ZNF432: variants seen among roughly 807,000 people sequenced by gnomAD.
ZNF432 encodes zinc finger protein 432.
A neutral mutation model predicts 13.9 loss-of-function variants in ZNF432; 10 were observed. The ratio of observed to expected loss-of-function variants is 0.72; its 90% CI spans 0.44 to 1.22. ZNF432 has a LOEUF of 1.22. Ranked by LOEUF, ZNF432 falls within the 50% of genes most tolerant of loss-of-function variation. ZNF432 has a pLI of 0.00. For synonymous variants in ZNF432, 247 were observed against 256.2 expected (o/e 0.96, Z 0.34); for missense variants, 793 against 796.2 (o/e 1.00, Z 0.05).
At chr19:52,044,920 G>A (rs1200259270) in intron 2 of ZNF432, among the ~76,000 whole-genome samples, 1 of 152,168 alleles carries the variant, frequency 6.6e-6, no homozygotes, top group African/African-American at 2.4e-5. Flanking sequence ...AGGTAGGGGT[G>A]TCCAATCTTT....
At position 52,033,600 on chromosome 19, in the gene ZNF432, T is replaced by C. The variant is rs954850862; in HGVS notation, c.*120A>G. ...TAGCATTCATCCTAGTGAATAACAC[T>C]GGATTTTGAAATATGATTTTTCATA... On this transcript the variant is annotated 3_prime_UTR_variant, in exon 5 of 5. Transcript: ENST00000221315. 5.7e-5 allele frequency: 68 copies of C among 1,192,242 alleles called. No individual in the cohort carries two copies. Among genetic ancestry groups the C allele is most frequent in the Admixed American group, 7.7e-5 (3 of 39,074 alleles). 73.9% of individuals were successfully genotyped at this position (1,192,242 alleles called of 1,614,324 possible).
chr19:52,034,333 C>A lies in ZNF432; in HGVS notation c.1346G>T (p.Arg449Leu), dbSNP rs757032515. 1.2e-6 allele frequency: 2 copies of A among 1,613,898 alleles called. No homozygotes were observed. ...GTAGGGCTTCTCTCCTGTATGAGTT[C>A]GCTGATGTATGATGAGCATGCTTTT... ...TVKSMLIIHQ[R>L]THTGEKPYTC... Residue 449 changes from arginine (R) to leucine (L), a missense_variant, in exon 5 of 5, where the codon CGA (arginine) becomes CTA (leucine). Coordinates refer to ENST00000221315, the MANE Select transcript of ZNF432 (RefSeq NM_014650.4).
At position 52,032,746 on chromosome 19, in the gene ZNF432, T is replaced by A. The variant is rs976086987; in HGVS notation, c.*974A>T. On this transcript the variant is annotated 3_prime_UTR_variant, in exon 5 of 5. Transcript: ENST00000221315. ...CCACCATGCCCGGCATTATGTATCA[T>A]TTTCATGAGACTTTTTTACTTCATG... 6.6e-6 allele frequency: 1 copy of A among 152,192 alleles called. No individual in the cohort carries two copies. Among genetic ancestry groups the A allele is most frequent in the Admixed American group, 6.5e-5 (1 of 15,278 alleles). The allele number at this position is 152,192 out of a possible 1,614,324, so 9.4% of individuals were successfully genotyped here.
intron 4 of ZNF432, chr19:52,040,268 TC>T: frequency 1.8e-6 from 1 of 567,512 alleles, no homozygotes; most frequent in Non-Finnish European, 3.1e-6. Flanking sequence ...AGAAGAGAAC[TC>T]CATAGGTAGA....
chr19:52,045,577 A>G (rs908953618), intron 2 of ZNF432, among the ~76,000 whole-genome samples: 2 of 150,864 alleles, frequency 1.3e-5, no homozygotes, highest in Non-Finnish European at 3.0e-5. Flanking sequence ...GCTGGTCTTG[A>G]ACTCCCGACC....
chr19:52,039,534 A>G (rs2087114162), intron 4 of ZNF432, among the ~76,000 whole-genome samples: 1 of 150,544 alleles, frequency 6.6e-6, no homozygotes, highest in Non-Finnish European at 1.5e-5. Flanking sequence ...AGGCAAATCT[A>G]TAGGGATAAA....
At chr19:52,039,748 G>A (rs1224930431) in intron 4 of ZNF432, among the ~76,000 whole-genome samples, 1 of 149,298 alleles carries the variant, frequency 6.7e-6, no homozygotes, top group East Asian at 2.0e-4. Flanking sequence ...AGAATCGCTT[G>A]AACCCGGGAG....
In ZNF432 at chr19:52,033,448, A is replaced by G; in HGVS notation, c.*272T>C. On this transcript the variant is annotated 3_prime_UTR_variant, in exon 5 of 5. Coordinates refer to ENST00000221315, the MANE Select transcript of ZNF432 (RefSeq NM_014650.4). ...GTCATGTGGACGTTGTCATAGTTTT[A>G]ATGAAGGTTGACAAATGAAAGGTTA... is the stretch of plus-strand genomic sequence containing the variant. 1 of 390,064 alleles carries G rather than the reference A, an allele frequency of 2.6e-6. No homozygotes were observed. Among genetic ancestry groups the G allele is most frequent in the South Asian group, 4.7e-5 (1 of 21,170 alleles). The allele number at this position is 390,064 out of a possible 1,614,324, so 24.2% of individuals were successfully genotyped here.
At chr19:52,039,219 T>A (rs1326586994) in intron 4 of ZNF432, among the ~76,000 whole-genome samples, 1 of 152,210 alleles carries the variant, frequency 6.6e-6, no homozygotes, top group East Asian at 1.9e-4. Context: ...GCAATTCTAC[T>A]CCTAGGTGAA....
In ZNF432 at chr19:52,035,200, C is replaced by T. The variant is rs777434098; in HGVS notation, c.479G>A (p.Gly160Glu). 3.0e-5 allele frequency: 48 copies of T among 1,611,884 alleles called. No individual in the cohort carries two copies. Among genetic ancestry groups the T allele is most frequent in the Non-Finnish European group, 5.1e-6 (6 of 1,179,560 alleles). ...CEINNSTKFSGDGKSFLHGNY... is the reference protein window; with the variant it reads ...CEINNSTKFSEDGKSFLHGNY... ...ACCATGAAGAAATGATTTCCCATCT[C>T]CACTAAATTTAGTAGAGTTGTTAAT... The change falls in exon 5 of 5, where the codon GGA becomes GAA. Residue 160 changes from glycine (G) to glutamate (E), a missense_variant. Transcript: ENST00000221315.
Position 52,033,537 on chromosome 19 carries a change from C to G in ZNF432, c.*183G>C. On this transcript the variant is annotated 3_prime_UTR_variant, in exon 5 of 5. Transcript: ENST00000221315. ...CTATACATTGGTACATCAAAGAATTCAGAGCCTGAATTCATGTTGAAGCCT... is the reference window on the plus strand; with the variant it reads ...CTATACATTGGTACATCAAAGAATTGAGAGCCTGAATTCATGTTGAAGCCT... 1 of 651,168 alleles carries G rather than the reference C, an allele frequency of 1.5e-6. No individual in the cohort carries two copies. The allele number at this position is 651,168 out of a possible 1,614,324, so 40.3% of individuals were successfully genotyped here. A position where few individuals can be genotyped will look rare whatever the true frequency, so the allele number is the denominator to read the frequency against.
chr19:52,034,003 T>C lies in ZNF432; in HGVS notation c.1676A>G (p.His559Arg), dbSNP rs764341149. 7 of 1,614,098 alleles carry C rather than the reference T, an allele frequency of 4.3e-6. No individual in the cohort carries two copies. Among genetic ancestry groups the C allele is most frequent in the African/African-American group, 1.3e-5 (1 of 74,946 alleles). ...GFTMKRYLIV[H>R]QQIHTEEKSC... Reference sequence around the variant, plus strand: ...TTTCTCTTCTGTATGAATTTGCTGATGTACAATGAGATAGCGTTTCATGGT... The same window carrying C: ...TTTCTCTTCTGTATGAATTTGCTGACGTACAATGAGATAGCGTTTCATGGT... Residue 559 changes from histidine to arginine, a missense_variant, in exon 5 of 5, where the codon CAT becomes CGT. By Grantham distance (29) the His-to-Arg change is conservative (BLOSUM62 0). Coordinates refer to ENST00000221315, the MANE Select transcript of ZNF432 (RefSeq NM_014650.4).
intron 4 of ZNF432, among the ~76,000 whole-genome samples, chr19:52,038,125 A>G (rs891427866): frequency 6.6e-6 from 1 of 152,246 alleles, no homozygotes; most frequent in Non-Finnish European, 1.5e-5. Flanking sequence ...ATATACAATC[A>G]AAAGTCATCT....
intron 3 of ZNF432, 35 bp from the exon 4 acceptor site, chr19:52,040,618 G>A: frequency 6.4e-7 from 1 of 1,558,338 alleles, no homozygotes; most frequent in Non-Finnish European, 8.9e-7. Context: ...CAGACACACT[G>A]GATTGGGCTG....
intron 2 of ZNF432, among the ~76,000 whole-genome samples, chr19:52,043,781 C>T (rs1260831785): frequency 6.6e-6 from 1 of 152,208 alleles, no homozygotes; most frequent in African/African-American, 2.4e-5. Context: ...TATGTGTATG[C>T]GTATCTAAAA....
intron 4 of ZNF432, among the ~76,000 whole-genome samples, chr19:52,035,782 G>A (rs920491717): frequency 2.0e-5 from 3 of 152,126 alleles, no homozygotes; most frequent in South Asian, 2.1e-4. Flanking sequence ...ATACCCCTAC[G>A]TCGGCCTCTC....
At chr19:52,039,088 T>C (rs2087110228) in intron 4 of ZNF432, among the ~76,000 whole-genome samples, 1 of 152,242 alleles carries the variant, frequency 6.6e-6, no homozygotes, top group African/African-American at 2.4e-5. Context: ...TGAACTTCCC[T>C]AGTTGTCAAT....
chr19:52,040,427 C>T (rs1365655075), intron 4 of ZNF432, 61 bp downstream of exon 4: 2 of 1,440,102 alleles, frequency 1.4e-6, no homozygotes, highest in Non-Finnish European at 2.0e-6. Context: ...CCTCAGACAC[C>T]CACAGAGCCT....
chr19:52,046,648 T>A (rs149376430), intron 2 of ZNF432, among the ~76,000 whole-genome samples: 1 of 152,194 alleles, frequency 6.6e-6, no homozygotes, highest in African/African-American at 2.4e-5. Flanking sequence ...GCTAAGGTAA[T>A]GGAAAGGATC....
Sources: allele counts gnomAD v4.1 joint callset (sites outside exome capture counted in the v4.1 genomes callset), GRCh38; gene constraint gnomAD v4.1.1; transcripts MANE v1.5; gene names NCBI Gene and HGNC (gene_info 2026-07-23, HGNC 2026-07-21).